GLIS3: variants seen among roughly 807,000 people sequenced by gnomAD.
GLIS3 encodes the protein zinc finger protein GLIS3.
In GLIS3, 53 loss-of-function variants were observed where a neutral mutation model predicts 78.6. The observed-to-expected ratio is 0.67, with a 90% CI of 0.54 to 0.85. The LOEUF (loss-of-function observed/expected upper bound fraction) is 0.85. GLIS3 is among the 40% of genes least tolerant of loss of function. The pLI is 0.00. For missense variants in GLIS3, 1,703 were observed against 1,231.1 expected (o/e 1.38, Z -5.74); for synonymous variants, 684 against 509.9 (o/e 1.34, Z -4.60).
Position 3,909,554 on chromosome 9 carries a change from T to G in GLIS3, c.1984-10719A>C, listed in dbSNP as rs111660221. Among the ~76,000 whole-genome samples the G allele has an allele frequency of 5.6e-3, 856 of 152,326 alleles. 18 individuals carry two copies. The highest frequency in any genetic ancestry group is 0.02 in the African/African-American group (835 of 41,578). ...ATCTGTATAGGGGATACCTATTTAG[T>G]TAGCAGTGACTCCAAAGGCCCAAAA... On this transcript the variant is annotated intron_variant, in intron 6 of 10. Transcript: ENST00000381971.
intron 2 of GLIS3, among the ~76,000 whole-genome samples, chr9:4,226,328 C>T (rs1372217051): frequency 2.6e-5 from 4 of 152,090 alleles, no homozygotes; most frequent in Non-Finnish European, 5.9e-5. Flanking sequence ...AAAGATAGGT[C>T]CATATACATC....
chr9:4,485,461 A>G, the GLIS3 span, among the ~76,000 whole-genome samples: 1 of 152,000 alleles, frequency 6.6e-6, no homozygotes, highest in East Asian at 1.9e-4. Context: ...CTGTGATTTC[A>G]TCTTCATCCA....
chr9:4,286,700 T>C (rs80168063), intron 1 of GLIS3, among the ~76,000 whole-genome samples, 177 bp from the exon 2 acceptor site: 4 of 152,234 alleles, frequency 2.6e-5, no homozygotes, highest in Non-Finnish European at 4.4e-5. Flanking sequence ...TCTCCCCTTC[T>C]GCACTCATGG....
rs1344174998 is a variant in GLIS3, at chr9:3,898,756, G to C, written c.2063C>G (p.Pro688Arg). 6.2e-7 allele frequency: 1 copy of C among 1,614,086 alleles called. No homozygotes were observed. The highest frequency in any genetic ancestry group is 8.5e-7 in the Non-Finnish European group (1 of 1,180,042). Residue 688 changes from proline to arginine, a missense_variant, in exon 7 of 11, where the codon CCT (proline) becomes CGT (arginine). Transcript: ENST00000381971. ...GGTCCCTTCAGCAGCAGCATCTCTA[G>C]GGGAAGTGGCCGGCTGCAGGGACTG... ...TVQSLQPATS[P>R]RDAAAEGTVG...
At chr9:4,257,860 A>C (rs1188568489) in intron 2 of GLIS3, among the ~76,000 whole-genome samples, 1 of 152,128 alleles carries the variant, frequency 6.6e-6, no homozygotes, top group African/African-American at 2.4e-5. Context: ...GGTGTGAGCC[A>C]TTGCGCCCGG....
chr9:3,898,871 G>T, intron 6 of GLIS3, 36 bp from the exon 7 acceptor site: 1 of 1,612,928 alleles, frequency 6.2e-7, no homozygotes, highest in Non-Finnish European at 8.5e-7. Flanking sequence ...TCGATAAGGA[G>T]AGCCGGTCCT....
intron 2 of GLIS3, among the ~76,000 whole-genome samples, chr9:4,330,156 G>T (rs1033806360): frequency 6.6e-6 from 1 of 152,172 alleles, no homozygotes; most frequent in Non-Finnish European, 1.5e-5. Context: ...TAATGGTTTT[G>T]AAAGCCAAAT....
intron 7 of GLIS3, among the ~76,000 whole-genome samples, chr9:3,896,256 C>A (rs1822821541): frequency 6.6e-6 from 1 of 152,148 alleles, no homozygotes; most frequent in South Asian, 2.1e-4. Flanking sequence ...ATTTTTTCCC[C>A]TGCCTGGTTC....
intron 6 of GLIS3, among the ~76,000 whole-genome samples, chr9:3,921,115 A>G (rs1824861357): frequency 6.6e-6 from 1 of 152,216 alleles, no homozygotes; most frequent in African/African-American, 2.4e-5. Context: ...CAGTGGTGTC[A>G]TGCATTATTC....
chr9:4,003,253 C>T (rs1821263919), intron 4 of GLIS3, among the ~76,000 whole-genome samples: 1 of 151,870 alleles, frequency 6.6e-6, no homozygotes, highest in South Asian at 2.1e-4. Context: ...TCTGGTAGCC[C>T]CCATTATACC....
chr9:4,266,428 G>C (rs117232223), intron 2 of GLIS3, among the ~76,000 whole-genome samples: 461 of 152,144 alleles, frequency 3.0e-3, no homozygotes, highest in Non-Finnish European at 5.3e-3. Flanking sequence ...CCAGACAAAA[G>C]AACCATCACC....
At chr9:3,865,713 T>C (rs1373398883) in intron 8 of GLIS3, among the ~76,000 whole-genome samples, 2 of 152,200 alleles carry the variant, frequency 1.3e-5, no homozygotes, top group Non-Finnish European at 1.5e-5. Context: ...AGACATCATC[T>C]TGGGCTTAAC....
At chr9:4,043,007 T>G (rs924054291) in intron 4 of GLIS3, among the ~76,000 whole-genome samples, 2 of 151,534 alleles carry the variant, frequency 1.3e-5, no homozygotes, top group African/African-American at 2.4e-5. Flanking sequence ...GTGGCAATCT[T>G]GGAAATATCA....
intron 4 of GLIS3, among the ~76,000 whole-genome samples, chr9:4,097,883 A>G (rs567437234): frequency 2.0e-5 from 3 of 152,188 alleles, no homozygotes; most frequent in Non-Finnish European, 4.4e-5. Flanking sequence ...ACAAAACAAA[A>G]AAGTCTGAAT....
chr9:4,053,929 G>A (rs192096765), intron 4 of GLIS3, among the ~76,000 whole-genome samples: 1 of 152,102 alleles, frequency 6.6e-6, no homozygotes, highest in East Asian at 1.9e-4. Flanking sequence ...TTTGCTTCAG[G>A]CTTTGAGTTT....
At chr9:4,274,014 G>A (rs1397320163) in intron 2 of GLIS3, among the ~76,000 whole-genome samples, 1 of 152,170 alleles carries the variant, frequency 6.6e-6, no homozygotes, top group Non-Finnish European at 1.5e-5. Flanking sequence ...TCCTACTCCA[G>A]GACATGTGGC....
the GLIS3 span, among the ~76,000 whole-genome samples, chr9:4,367,984 A>C: frequency 1.3e-5 from 2 of 152,210 alleles, no homozygotes; most frequent in Non-Finnish European, 2.9e-5. Flanking sequence ...CAAATCCAGA[A>C]TTTGCAACCA....
intron 4 of GLIS3, among the ~76,000 whole-genome samples, chr9:4,026,765 T>G (rs1431029274): frequency 6.6e-6 from 1 of 152,214 alleles, no homozygotes; most frequent in African/African-American, 2.4e-5. Context: ...TTTTATCCAT[T>G]CAAATTATCA....
At chr9:4,033,930 A>G (rs2130296605) in intron 4 of GLIS3, among the ~76,000 whole-genome samples, 1 of 150,786 alleles carries the variant, frequency 6.6e-6, no homozygotes, top group East Asian at 2.0e-4. Flanking sequence ...CTGGGTTCAG[A>G]TTAAGCCATA....
Sources: gnomAD v4.1 joint callset for allele counts (sites outside exome capture counted in the v4.1 genomes callset) on GRCh38, gnomAD v4.1.1 for gene constraint, MANE v1.5 for transcripts, NCBI Gene and HGNC (gene_info 2026-07-23, HGNC 2026-07-21) for gene names.